Variants in MTA3 observed in about 807,000 individuals in gnomAD.
The protein encoded by MTA3 is metastasis-associated protein MTA3.
In MTA3, 34 loss-of-function variants were observed where a neutral mutation model predicts 83.5. The observed-to-expected ratio is 0.41, with a 90% confidence interval of 0.31 to 0.54. The LOEUF is 0.54. MTA3 is among the 20% of genes least tolerant of loss of function. MTA3 has a pLI of 0.33. For synonymous variants in MTA3, 303 were observed against 252.7 expected, an observed-to-expected ratio of 1.20 and a Z score of -1.89; for missense variants, 761 against 726.4, an observed-to-expected ratio of 1.05 and a Z score of -0.55.
intron 2 of MTA3, among the ~76,000 whole-genome samples, chr2:42,500,775 G>A (rs1674359496): frequency 6.6e-6 from 1 of 151,470 alleles, no homozygotes; most frequent in African/African-American, 2.4e-5. Context: ...GAAAATCAAA[G>A]GGTTGTTAGT....
intron 2 of MTA3, among the ~76,000 whole-genome samples, chr2:42,572,961 C>G (rs1181409244): frequency 6.6e-6 from 1 of 152,130 alleles, no homozygotes; most frequent in East Asian, 1.9e-4. Context: ...CTCCTGACCT[C>G]AGGTGATCCA....
intron 4 of MTA3, among the ~76,000 whole-genome samples, chr2:42,622,246 A>G (rs902076356): frequency 3.9e-5 from 6 of 152,168 alleles, no homozygotes; most frequent in African/African-American, 7.2e-5. Context: ...CCACCAAAAA[A>G]AATACGAAAA....
At chr2:42,503,632 AAGG>A (rs1674496840) in intron 2 of MTA3, among the ~76,000 whole-genome samples, 1 of 152,142 alleles carries the variant, frequency 6.6e-6, no homozygotes, top group African/African-American at 2.4e-5. Flanking sequence ...ATTTACCTTG[AAGG>A]AGCTCAAGAA....
intron 7 of MTA3, 37 bp downstream of exon 7, chr2:42,656,339 T>G: frequency 7.4e-7 from 1 of 1,358,146 alleles, no homozygotes; most frequent in Non-Finnish European, 1.0e-6. Flanking sequence ...TCAATAAATT[T>G]CTTTATATAA....
In MTA3 at chr2:42,678,498, C is replaced by T. The variant is rs574179273; in HGVS notation, c.703-3903C>T. Among the ~76,000 whole-genome samples the T allele has an allele frequency of 2.1e-4, 32 of 152,122 alleles. No individual in the cohort carries two copies. In the East Asian group the frequency reaches 4.5e-3, roughly 21 times the overall value. ...GATTACAGGTGACTGCCACCACACC[C>T]AGCTAATTTTTGTAGAGACAGAGTT... On this transcript the variant is annotated intron_variant, in intron 8 of 16. Coordinates refer to ENST00000405094, the MANE Select transcript of MTA3 (RefSeq NM_001330442.2).
rs573944745 is a variant in MTA3, at chr2:42,532,033, G to A, written c.-141+36779G>A. ...GGCCTCCCAAAGTGTTGGGATTATA[G>A]GTGTGAGCCACCACGCCCGACCAAA... is the stretch of plus-strand genomic sequence containing the variant. On this transcript the variant is annotated intron_variant, in intron 2 of 17. Coordinates refer to the MTA3 transcript ENST00000405592. Among the ~76,000 whole-genome samples the A allele has an allele frequency of 2.6e-5, 4 of 152,276 alleles. No homozygotes were observed. In the East Asian group the frequency reaches 7.7e-4, roughly 29 times the overall value.
chr2:42,701,785 G>A (rs545770246), intron 11 of MTA3, among the ~76,000 whole-genome samples: 149 of 149,680 alleles, frequency 1.0e-3, no homozygotes, highest in African/African-American at 3.4e-3. Context: ...GTATGGTGGC[G>A]GGAGCCTGTA....
In MTA3 at chr2:42,583,366, A is replaced by G. The variant is rs1236765585; in HGVS notation, c.190+4166A>G. 2.6e-5 allele frequency among the ~76,000 whole-genome samples: 4 copies of G among 152,230 alleles called. No individual in the cohort carries two copies. The East Asian group carries it at 7.7e-4, about 29-fold the overall frequency. ...GTATTGACTAAAACATCAGGTGCAG[A>G]CAGCACATAAAGTTGTCTGAAGAAT... On this transcript the variant is annotated intron_variant, in intron 3 of 16. Coordinates refer to ENST00000405094, the MANE Select transcript of MTA3 (RefSeq NM_001330442.2).
chr2:42,548,871 T>TAAA, intron 2 of MTA3, among the ~76,000 whole-genome samples: 2 of 14,434 alleles, frequency 1.4e-4, no homozygotes, highest in African/African-American at 8.9e-4. Flanking sequence ...TATATATATA[T>TAAA]ATATAATATA....
intron 4 of MTA3, among the ~76,000 whole-genome samples, chr2:42,631,539 G>GTA (rs1407900506): frequency 1.3e-5 from 2 of 151,950 alleles, no homozygotes; most frequent in East Asian, 3.8e-4. Context: ...CTACATAGGT[G>GTA]TATATATTCA....
intron 6 of MTA3, among the ~76,000 whole-genome samples, chr2:42,650,884 C>G (rs953415146): frequency 6.6e-6 from 1 of 152,142 alleles, no homozygotes. Context: ...AGAACTAATT[C>G]TTTTGTGGCC....
intron 16 of MTA3, among the ~76,000 whole-genome samples, chr2:42,735,845 A>G (rs1668569569): frequency 1.3e-5 from 2 of 152,042 alleles, no homozygotes; most frequent in Admixed American, 1.3e-4. Flanking sequence ...ATTTTATTCT[A>G]TTATTGAATT....
intron 2 of MTA3, among the ~76,000 whole-genome samples, chr2:42,514,874 G>A (rs1158988761): frequency 6.7e-6 from 1 of 150,218 alleles, no homozygotes; most frequent in Non-Finnish European, 1.5e-5. Context: ...ATTTTTTATA[G>A]AGATGAGGTT....
chr2:42,755,306 T>G lies in MTA3; in HGVS notation c.*1907T>G. On this transcript the variant is annotated 3_prime_UTR_variant, in exon 17 of 17. Transcript: ENST00000405094. ...GGTGACTGCAGATTCTGGAAACAATTAGCTGCCCGTGACTCAGCTGCCAGC... is the reference window on the plus strand; with the variant it reads ...GGTGACTGCAGATTCTGGAAACAATGAGCTGCCCGTGACTCAGCTGCCAGC... 1 of 985,448 alleles carries G rather than the reference T, an allele frequency of 1.0e-6. No homozygotes were observed. The highest frequency in any genetic ancestry group is 1.2e-6 in the Non-Finnish European group (1 of 829,958). 61.0% of individuals were successfully genotyped at this position (985,448 alleles called of 1,614,324 possible). A position where few individuals can be genotyped will look rare whatever the true frequency, so the allele number is the denominator to read the frequency against.
intron 2 of MTA3, among the ~76,000 whole-genome samples, chr2:42,528,070 A>G (rs1036788939): frequency 2.6e-5 from 4 of 152,056 alleles, no homozygotes; most frequent in African/African-American, 4.8e-5. Flanking sequence ...GACTACAGGC[A>G]CGTGCCACCA....
At chr2:42,718,393 A>G (rs1437951285) in intron 14 of MTA3, among the ~76,000 whole-genome samples, 1 of 151,314 alleles carries the variant, frequency 6.6e-6, no homozygotes, top group East Asian at 2.0e-4. Flanking sequence ...GATTACAGGC[A>G]TGTGCCACCA....
intron 16 of MTA3, among the ~76,000 whole-genome samples, chr2:42,742,193 C>T (rs1191221201): frequency 6.6e-6 from 1 of 150,578 alleles, no homozygotes; most frequent in Non-Finnish European, 1.5e-5. Flanking sequence ...GGCTGAAGTG[C>T]AGTGGCATGA....
At chr2:42,624,866 T>G (rs1175108168) in intron 4 of MTA3, among the ~76,000 whole-genome samples, 2 of 152,212 alleles carry the variant, frequency 1.3e-5, no homozygotes, top group Non-Finnish European at 1.5e-5. Context: ...TCATTGAACA[T>G]GAGTTTTATA....
chr2:42,525,102 TC>T, intron 2 of MTA3, among the ~76,000 whole-genome samples: 1 of 140,528 alleles, frequency 7.1e-6, no homozygotes, highest in Admixed American at 7.1e-5. Flanking sequence ...ATGCTATCCC[TC>T]CCCCCTCCCC....
Sources: gnomAD v4.1 joint callset for allele counts (sites outside exome capture counted in the v4.1 genomes callset) on GRCh38, gnomAD v4.1.1 for gene constraint, MANE v1.5 for transcripts, NCBI Gene and HGNC (gene_info 2026-07-23, HGNC 2026-07-21) for gene names.